Variants in ZNF532 observed in about 807,000 individuals in gnomAD.
ZNF532 encodes zinc finger protein 532.
ZNF532 carries 22 observed loss-of-function variants against 89.3 expected under a neutral mutation model. The observed-to-expected ratio is 0.25, with a 90% CI of 0.18 to 0.35. ZNF532 has a LOEUF of 0.35. Ranked by LOEUF, ZNF532 falls within the 10% of genes least tolerant of loss-of-function variation. ZNF532 has a pLI of 1.00. For synonymous variants in ZNF532, 606 were observed against 649.6 expected (o/e 0.93, Z 1.02); for missense variants, 1,132 against 1,643.4 (o/e 0.69, Z 5.38).
chr18:58,868,642 T>G (rs910445947), intron 2 of ZNF532, among the ~76,000 whole-genome samples: 2 of 152,354 alleles, frequency 1.3e-5, no homozygotes, highest in East Asian at 1.9e-4. Context: ...CTGAGTAGTA[T>G]TCTGCTGTAT....
Position 58,984,578 on chromosome 18 carries a change from A to G in ZNF532, c.*112A>G. 7.5e-7 allele frequency: 1 copy of G among 1,325,876 alleles called. No individual in the cohort carries two copies. Among genetic ancestry groups the G allele is most frequent in the Non-Finnish European group, 1.0e-6 (1 of 985,236 alleles). The allele number at this position is 1,325,876 out of a possible 1,614,324, so 82.1% of individuals were successfully genotyped here. A position where few individuals can be genotyped will look rare whatever the true frequency, so the allele number is the denominator to read the frequency against. Reference sequence around the variant, plus strand: ...ACAGTACTGTCTAGGCTGTTGCAATATATTCTCTTTCAATGTACCTTCCTT... The same window carrying G: ...ACAGTACTGTCTAGGCTGTTGCAATGTATTCTCTTTCAATGTACCTTCCTT... On this transcript the variant is annotated 3_prime_UTR_variant, in exon 10 of 10. Coordinates refer to ENST00000591808, the MANE Select transcript of ZNF532 (RefSeq NM_001375912.1).
At chr18:58,863,629 C>A, upstream of ZNF532, 1 of 63,422 alleles carries the variant, frequency 1.6e-5, no homozygotes, top group South Asian at 3.9e-4. Context: ...CGCCGCCGCT[C>A]CGACGACAGC....
chr18:58,868,927 C>G (rs1207140100), intron 2 of ZNF532, among the ~76,000 whole-genome samples: 1 of 152,172 alleles, frequency 6.6e-6, no homozygotes, highest in East Asian at 1.9e-4. Context: ...TACTATATAC[C>G]TAGGCTATAT....
At chr18:58,958,054 A>G (rs546517780) in intron 7 of ZNF532, among the ~76,000 whole-genome samples, 1 of 144,688 alleles carries the variant, frequency 6.9e-6, no homozygotes, top group African/African-American at 2.6e-5. Flanking sequence ...CAACAGAGCA[A>G]GACAATGTGT....
At chr18:58,885,818 T>A (rs1280284183) in intron 2 of ZNF532, among the ~76,000 whole-genome samples, 1 of 150,828 alleles carries the variant, frequency 6.6e-6, no homozygotes, top group African/African-American at 2.4e-5. Context: ...CGCATCATCG[T>A]ACTCCAGCCT....
rs1259986589 is a variant in ZNF532 at position 58,985,404 on chromosome 18, CAG to C, written c.*940_*941del. On this transcript the variant is annotated 3_prime_UTR_variant, in exon 10 of 10. Coordinates refer to ENST00000591808, the MANE Select transcript of ZNF532 (RefSeq NM_001375912.1). ...TATCAAGTATTTCTCTGGCTCTTGA[CAG>C]AAAAAAATCAGTTGACTTAACCCTT... 4 of 152,426 alleles carry C rather than the reference CAG, an allele frequency of 2.6e-5. No individual in the cohort carries two copies. Among genetic ancestry groups the C allele is most frequent in the African/African-American group, 7.3e-5 (3 of 41,348 alleles). The allele number at this position is 152,426 out of a possible 1,614,324, so 9.4% of individuals were successfully genotyped here.
chr18:58,981,465 C>G lies in ZNF532; in HGVS notation c.3264-5C>G. On this transcript the variant is annotated splice_polypyrimidine_tract_variant and splice_region_variant and intron_variant, in intron 8 of 9. Transcript: ENST00000591808. Reference sequence around the variant, plus strand: ...TGCGTTATCTCCTTGCCTTTCACCCCACAGGCACTGCCCAGACTCCAGACG... The same window carrying G: ...TGCGTTATCTCCTTGCCTTTCACCCGACAGGCACTGCCCAGACTCCAGACG... 1 of 1,611,568 alleles carries G rather than the reference C, an allele frequency of 6.2e-7. No homozygotes were observed.
rs1311565154 is a variant in ZNF532 at position 58,918,707 on chromosome 18, C to T, written c.420C>T (p.Asp140=). The T allele has an allele frequency of 1.5e-5, 25 of 1,613,980 alleles. No individual in the cohort carries two copies. The highest frequency in any genetic ancestry group is 1.6e-4 in the Middle Eastern group (1 of 6,084). ...SPISSAEEFD[D]DEKIEVDDPP... is the part of the protein sequence containing the mutation. ...TCTCCAGTGCTGAAGAGTTTGATGA[C>T]GACGAGAAGATTGAGGTGGATGACC... Residue 140 remains aspartate (D), a synonymous_variant, in exon 3 of 10, where the codon GAC becomes GAT. Coordinates refer to ENST00000591808, the MANE Select transcript of ZNF532 (RefSeq NM_001375912.1).
intron 2 of ZNF532, among the ~76,000 whole-genome samples, chr18:58,872,091 T>C (rs1215471230): frequency 6.6e-6 from 1 of 152,248 alleles, no homozygotes; most frequent in Non-Finnish European, 1.5e-5. Flanking sequence ...ATCTGGAGAC[T>C]GAAATAAGTA....
chr18:58,956,896 C>T (rs1284999142), intron 7 of ZNF532, among the ~76,000 whole-genome samples: 2 of 152,200 alleles, frequency 1.3e-5, no homozygotes, highest in Admixed American at 6.5e-5. Flanking sequence ...TTAACTTTCT[C>T]TTGGGAAAAT....
chr18:58,885,797 T>C (rs1172474607), intron 2 of ZNF532, among the ~76,000 whole-genome samples: 4 of 150,508 alleles, frequency 2.7e-5, no homozygotes, highest in African/African-American at 9.8e-5. Context: ...GAGGTTGCAG[T>C]GAGCCGAAAT....
At chr18:58,937,621 TC>T (rs1411220771) in intron 4 of ZNF532, among the ~76,000 whole-genome samples, 2 of 152,232 alleles carry the variant, frequency 1.3e-5, no homozygotes, top group East Asian at 3.8e-4. Flanking sequence ...TTTCTATCCT[TC>T]ATGGGAAAAT....
intron 3 of ZNF532, among the ~76,000 whole-genome samples, chr18:58,921,935 A>G (rs1353149948): frequency 6.6e-6 from 1 of 152,058 alleles, no homozygotes; most frequent in East Asian, 1.9e-4. Flanking sequence ...GTGAAACCTC[A>G]TCTCTAACAA....
At chr18:58,905,248 A>G (rs1235356106) in intron 2 of ZNF532, among the ~76,000 whole-genome samples, 1 of 152,186 alleles carries the variant, frequency 6.6e-6, no homozygotes, top group African/African-American at 2.4e-5. Flanking sequence ...TGGAAAGCCA[A>G]TATCCAGAGC....
chr18:58,902,495 C>CTT (rs1325440125), intron 2 of ZNF532, among the ~76,000 whole-genome samples: 8 of 142,110 alleles, frequency 5.6e-5, no homozygotes, highest in Admixed American at 1.4e-4. Flanking sequence ...CCTTCTCCTT[C>CTT]TTTTTTTTTT....
intron 2 of ZNF532, among the ~76,000 whole-genome samples, chr18:58,901,809 G>A (rs150777894): frequency 2.4e-3 from 367 of 152,256 alleles, no homozygotes; most frequent in Middle Eastern, 6.8e-3. Flanking sequence ...TGGAGCTCCA[G>A]GATTTCTCTG....
At chr18:58,888,516 A>G (rs1047897694) in intron 2 of ZNF532, among the ~76,000 whole-genome samples, 4 of 149,750 alleles carry the variant, frequency 2.7e-5, no homozygotes, top group African/African-American at 9.9e-5. Context: ...TCTCTACAAA[A>G]ATACAAAAAA....
At chr18:58,915,496 G>A (rs574061799) in intron 2 of ZNF532, among the ~76,000 whole-genome samples, 2 of 152,324 alleles carry the variant, frequency 1.3e-5, no homozygotes, top group East Asian at 1.9e-4. Context: ...ACCCCTTGAG[G>A]GGTTTGCAGG....
chr18:58,918,607 C>A lies in ZNF532; in HGVS notation c.320C>A (p.Ala107Glu), dbSNP rs1200828761. The A allele has an allele frequency of 1.9e-6, 3 of 1,614,048 alleles. No homozygotes were observed. Among genetic ancestry groups the A allele is most frequent in the African/African-American group, 1.3e-5 (1 of 74,896 alleles). Reference sequence around the variant, plus strand: ...CTTGACAGTTACAGTAAAGATGGAGCAAAGTCCTTGAAAGGAGATGTGCCT... The same window carrying A: ...CTTGACAGTTACAGTAAAGATGGAGAAAAGTCCTTGAAAGGAGATGTGCCT... Reference protein sequence around the residue: ...SSLDSYSKDGAKSLKGDVPAS... With the variant: ...SSLDSYSKDGEKSLKGDVPAS... The change falls in exon 3 of 10, where the codon GCA (alanine) becomes GAA (glutamate). Residue 107 changes from alanine (A) to glutamate (E), a missense_variant. Physicochemically the swap from Ala to Glu is moderately radical, Grantham distance 107. This residue lies in a region of ZNF532 where 302 missense variants were observed against 319.8 expected (regional missense o/e 0.94). Coordinates refer to ENST00000591808, the MANE Select transcript of ZNF532 (RefSeq NM_001375912.1).
Sources: allele counts gnomAD v4.1 joint callset (sites outside exome capture counted in the v4.1 genomes callset), GRCh38; gene constraint gnomAD v4.1.1; regional missense constraint gnomAD v4.1.1; transcripts MANE v1.5; gene names NCBI Gene and HGNC (gene_info 2026-07-23, HGNC 2026-07-21).